Variants in HECTD4 observed in about 807,000 individuals in gnomAD.
HECTD4 encodes HECT domain E3 ubiquitin protein ligase 4.
HECTD4 carries 114 observed loss-of-function variants against 471.5 expected under a neutral mutation model. The ratio of observed to expected loss-of-function variants is 0.24; its 90% CI spans 0.21 to 0.28. HECTD4 has a LOEUF of 0.28. HECTD4 is among the 10% of genes least tolerant of loss of function. The probability of loss-of-function intolerance (pLI) is 1.00; values close to 1 mark genes in which losing one functional copy is unlikely to be tolerated. For missense variants in HECTD4, 3,866 were observed against 5,651.5 expected (o/e 0.68, Z 10.13); for synonymous variants, 2,012 against 2,256.0 (o/e 0.89, Z 3.07).
chr12:112,279,298 A>G lies in HECTD4; in HGVS notation c.1617T>C (p.Pro539=), dbSNP rs2034587539. 6.2e-7 allele frequency: 1 copy of G among 1,613,156 alleles called. No individual in the cohort carries two copies. Among genetic ancestry groups the G allele is most frequent in the South Asian group, 1.1e-5 (1 of 90,934 alleles). ...TGGCAGAGCTGCCTGATCCCCCTGG[A>G]GGAGGCACCAGCATCACCAAGTAGG... is the stretch of plus-strand genomic sequence containing the variant. The part of the protein sequence containing the change: ...CGTYLVMLVP[P]PGGSGSSATR... Residue 539 remains proline, a synonymous_variant, in exon 9 of 76, where the codon CCT becomes CCC. Transcript: ENST00000682272.
intron 1 of HECTD4, among the ~76,000 whole-genome samples, chr12:112,377,851 C>T (rs2036812629): frequency 6.6e-6 from 1 of 151,492 alleles, no homozygotes; most frequent in Non-Finnish European, 1.5e-5. Flanking sequence ...GCCTGGGTAA[C>T]AAGAATAAAA....
chr12:112,190,036 G>A (rs1403550261), intron 60 of HECTD4, among the ~76,000 whole-genome samples: 1 of 152,204 alleles, frequency 6.6e-6, no homozygotes, highest in Admixed American at 6.5e-5. Flanking sequence ...TTACAGGCGT[G>A]AGCCACTGCG....
intron 35 of HECTD4, among the ~76,000 whole-genome samples, chr12:112,236,496 T>C (rs2033505589): frequency 6.6e-6 from 1 of 152,226 alleles, no homozygotes; most frequent in South Asian, 2.1e-4. Flanking sequence ...CAGTCAGTCA[T>C]ATGTGGATAT....
chr12:112,276,126 G>A (rs572885632), intron 9 of HECTD4, among the ~76,000 whole-genome samples: 4 of 152,230 alleles, frequency 2.6e-5, no homozygotes, highest in African/African-American at 9.6e-5. Context: ...GCTGTTAAAG[G>A]CAAGCACCAA....
chr12:112,171,484 C>T (rs1453991494), intron 67 of HECTD4: 2 of 649,252 alleles, frequency 3.1e-6, no homozygotes, highest in Non-Finnish European at 5.1e-6. Flanking sequence ...GAGGTGCTGG[C>T]TCTTAAGGAG....
intron 1 of HECTD4, among the ~76,000 whole-genome samples, chr12:112,350,895 G>T (rs2036238229): frequency 6.6e-6 from 1 of 152,152 alleles, no homozygotes; most frequent in East Asian, 1.9e-4. Flanking sequence ...TAGCTCAGTA[G>T]ATTAGAACCA....
intron 59 of HECTD4, among the ~76,000 whole-genome samples, chr12:112,192,355 G>A (rs889513013): frequency 6.6e-6 from 1 of 152,232 alleles, no homozygotes; most frequent in Non-Finnish European, 1.5e-5. Flanking sequence ...GCATCTGTCA[G>A]GCCTTCCCTA....
In HECTD4 at chr12:112,183,110, T is replaced by C. The variant is rs1256184068; in HGVS notation, c.10936A>G (p.Thr3646Ala). ...TCTTCTAACCCTGGGCTCCCTTGAG[T>C]ATCAAAGAGACTCTGATTTACTACA... ...VSVVNQSLFDTQGSPGLEDYF... is the reference protein window; with the variant it reads ...VSVVNQSLFDAQGSPGLEDYF... Residue 3646 changes from threonine to alanine, a missense_variant, in exon 62 of 76, where the codon ACT (threonine) becomes GCT (alanine). Transcript: ENST00000682272. 6.2e-7 allele frequency: 1 copy of C among 1,613,616 alleles called. No homozygotes were observed. The highest frequency in any genetic ancestry group is 8.5e-7 in the Non-Finnish European group (1 of 1,179,564).
chr12:112,208,752 T>C (rs1050975083), intron 50 of HECTD4, 122 bp from the exon 51 acceptor site: 8 of 725,240 alleles, frequency 1.1e-5, no homozygotes, highest in East Asian at 3.0e-5. Context: ...CCTAGTACAC[T>C]GAGGAATGTT....
chr12:112,306,142 A>G lies in HECTD4; in HGVS notation c.1257T>C (p.Tyr419=). Residue 419 remains tyrosine (Y), a synonymous_variant, in exon 7 of 76, where the codon TAT becomes TAC. Transcript: ENST00000682272. ...VHLSSDGTYF[Y]WIWSPASLNE... is the part of the protein sequence containing the mutation. ...TCAGGCTGGCAGGAGACCAGATCCA[A>G]TAGAAGTAAGTGCCATCTGAAGACA... 1.2e-6 allele frequency: 2 copies of G among 1,613,182 alleles called. No homozygotes were observed. The highest frequency in any genetic ancestry group is 1.7e-6 in the Non-Finnish European group (2 of 1,179,648).
At chr12:112,240,060 G>GAAACCA (rs773676857) in intron 32 of HECTD4, 33 bp from the exon 33 acceptor site, 1 of 1,610,798 alleles carries the variant, frequency 6.2e-7, no homozygotes, top group South Asian at 1.1e-5. Context: ...CAGGCTTCCT[G>GAAACCA]AACCATGTCA....
intron 48 of HECTD4, among the ~76,000 whole-genome samples, chr12:112,214,223 G>A (rs1566074899): frequency 1.3e-5 from 2 of 152,194 alleles, no homozygotes; most frequent in Admixed American, 1.3e-4. Flanking sequence ...ACAGAACCAA[G>A]AGAAGCCTGT....
At chr12:112,281,350 C>A (rs1253021264) in intron 8 of HECTD4, among the ~76,000 whole-genome samples, 1 of 151,956 alleles carries the variant, frequency 6.6e-6, no homozygotes, top group East Asian at 1.9e-4. Context: ...ATATGTGCTG[C>A]CAAAGCGTGC....
At chr12:112,380,756 A>G (rs2036871901) in intron 1 of HECTD4, among the ~76,000 whole-genome samples, 1 of 152,190 alleles carries the variant, frequency 6.6e-6, no homozygotes, top group Non-Finnish European at 1.5e-5. Context: ...ACACAAAAAT[A>G]CAGTGGAACG....
At chr12:112,362,370 T>G (rs2036465063) in intron 1 of HECTD4, among the ~76,000 whole-genome samples, 1 of 152,210 alleles carries the variant, frequency 6.6e-6, no homozygotes, top group African/African-American at 2.4e-5. Context: ...ACCACCTTCA[T>G]CACCTGGTGG....
intron 1 of HECTD4, among the ~76,000 whole-genome samples, chr12:112,320,495 C>T (rs913073604): frequency 1.3e-5 from 2 of 151,324 alleles, no homozygotes; most frequent in Admixed American, 6.6e-5. Context: ...GTCAGGAGTT[C>T]GAGGCCAGCC....
intron 65 of HECTD4, among the ~76,000 whole-genome samples, chr12:112,176,378 A>C (rs2031448088): frequency 6.6e-6 from 1 of 152,238 alleles, no homozygotes; most frequent in African/African-American, 2.4e-5. Flanking sequence ...ATGGTCATCA[A>C]AGATGGCATC....
Position 112,247,499 on chromosome 12 carries a change from CA to C in HECTD4, c.4299del (p.Phe1433LeufsTer13). The C allele has an allele frequency of 6.5e-7, 1 of 1,543,408 alleles. No homozygotes were observed. Among genetic ancestry groups the C allele is most frequent in the Non-Finnish European group, 8.8e-7 (1 of 1,141,814 alleles). On this transcript the variant is annotated frameshift_variant, in exon 28 of 76. Transcript: ENST00000682272. LOFTEE classifies it high-confidence loss of function. ...ACCATGTTTTCAAGATCATTCCCAT[CA>C]AAGGAGACTTCCTTCATTGAACATA... is the stretch of plus-strand genomic sequence containing the variant. The part of the protein sequence containing the change: ...ELLCSMKEVS[F>X]DGNDLENMVL...
intron 7 of HECTD4, among the ~76,000 whole-genome samples, chr12:112,293,543 A>AAATCAATCAATC (rs10675861): frequency 0.14 from 21,270 of 151,082 alleles, 1,932 homozygotes; most frequent in African/African-American, 0.26. Context: ...TTCCATCTCA[A>AAATCAATCAATC]AATCAATCAA....
Sources: allele counts gnomAD v4.1 joint callset (sites outside exome capture counted in the v4.1 genomes callset), GRCh38; gene constraint gnomAD v4.1.1; transcripts MANE v1.5; gene names NCBI Gene and HGNC (gene_info 2026-07-23, HGNC 2026-07-21).